DNAI7: variants seen among roughly 807,000 people sequenced by gnomAD.
DNAI7 encodes the protein cancer susceptibility 1.
DNAI7 carries 78 observed loss-of-function variants against 86.6 expected under a neutral mutation model. The observed-to-expected ratio is 0.90, with a 90% confidence interval of 0.75 to 1.09. The LOEUF (loss-of-function observed/expected upper bound fraction) is 1.09. Ranked by LOEUF, DNAI7 falls within the 50% of genes least tolerant of loss-of-function variation. The pLI is 0.00. For missense variants in DNAI7, 753 were observed against 810.2 expected (o/e 0.93, Z 0.86); for synonymous variants, 274 against 273.0 (o/e 1.00, Z -0.04).
rs1427665928 is a variant in DNAI7 at position 25,108,680 on chromosome 12, A to C, written c.2037T>G (p.His679Gln). The part of the protein sequence containing the change: ...SEALKEETEF[H>Q]STLYHMVKDF... ...CCTTCACCATGTGATATAAAGTAGA[A>C]TGAAACTCAGTTTCTTCTTTAAGTG... is the stretch of plus-strand genomic sequence containing the variant. Residue 679 changes from histidine (H) to glutamine (Q), a missense_variant, in exon 16 of 16, where the codon CAT (histidine) becomes CAG (glutamine). Physicochemically the swap from His to Gln is conservative, Grantham distance 24. Transcript: ENST00000395987. The C allele has an allele frequency of 6.2e-7, 1 of 1,613,826 alleles. No individual in the cohort carries two copies. The highest frequency in any genetic ancestry group is 8.5e-7 in the Non-Finnish European group (1 of 1,179,970).
At chr12:25,133,440 G>A (rs73067300) in intron 9 of DNAI7, among the ~76,000 whole-genome samples, 11,847 of 152,062 alleles carry the variant, frequency 0.078, 706 homozygotes, top group Non-Finnish European at 0.11. Flanking sequence ...TACGAAAGGC[G>A]GTTTACACTG....
rs1269972082 is a variant in DNAI7 at position 25,114,966 on chromosome 12, T to G, written c.1397-96A>C. 5.8e-6 allele frequency: 5 copies of G among 863,020 alleles called. No homozygotes were observed. The African/African-American group carries it at 6.9e-5, about 12-fold the overall frequency. 53.5% of individuals were successfully genotyped at this position (863,020 alleles called of 1,614,324 possible). A position where few individuals can be genotyped will look rare whatever the true frequency, so the allele number is the denominator to read the frequency against. On this transcript the variant is annotated intron_variant, in intron 12 of 15. Coordinates refer to ENST00000395987, the MANE Select transcript of DNAI7 (RefSeq NM_018272.5). ...CAAAAAAATTGCTTTGTGTATAAAT[T>G]GATCTTTCATATTTAGAATAGAAAC... is the stretch of plus-strand genomic sequence containing the variant.
intron 9 of DNAI7, among the ~76,000 whole-genome samples, chr12:25,124,755 G>C (rs766650568): frequency 6.6e-6 from 1 of 152,028 alleles, no homozygotes; most frequent in Non-Finnish European, 1.5e-5. Flanking sequence ...TTATTTTTCT[G>C]CTCCTTGCTC....
At chr12:25,124,980 C>A (rs540193960) in intron 9 of DNAI7, among the ~76,000 whole-genome samples, 1 of 152,296 alleles carries the variant, frequency 6.6e-6, no homozygotes, top group Non-Finnish European at 1.5e-5. Flanking sequence ...GCATAGTATT[C>A]CATGGTGGGT....
At chr12:25,140,841 T>C (rs1944104215) in intron 9 of DNAI7, among the ~76,000 whole-genome samples, 1 of 152,082 alleles carries the variant, frequency 6.6e-6, no homozygotes, top group African/African-American at 2.4e-5. Context: ...CAAAACAGCA[T>C]GGTACTGGTA....
intron 10 of DNAI7, among the ~76,000 whole-genome samples, chr12:25,122,660 A>G (rs181771880): frequency 6.6e-6 from 1 of 152,322 alleles, no homozygotes; most frequent in Non-Finnish European, 1.5e-5. Context: ...GACACTTCTA[A>G]ACTATATCCA....
At chr12:25,190,732 A>G (rs1950443557) in intron 1 of DNAI7, 101 bp from the exon 2 acceptor site, 1 of 538,456 alleles carries the variant, frequency 1.9e-6, no homozygotes, top group Non-Finnish European at 3.3e-6. Flanking sequence ...AAGCTTGGTA[A>G]AGGGCATAAG....
At chr12:25,148,354 A>G (rs1055544282) in intron 7 of DNAI7, among the ~76,000 whole-genome samples, 2 of 151,958 alleles carry the variant, frequency 1.3e-5, no homozygotes. Flanking sequence ...AAGACATATG[A>G]TGTTCCACTA....
intron 2 of DNAI7, among the ~76,000 whole-genome samples, chr12:25,182,523 T>C (rs7303094): frequency 0.7 from 104,329 of 150,008 alleles, 36,659 homozygotes; most frequent in African/African-American, 0.81. Context: ...GTGGGAGGAT[T>C]GCTTGAGCCT....
chr12:25,159,109 T>C (rs371948949), intron 3 of DNAI7, among the ~76,000 whole-genome samples: 13 of 152,210 alleles, frequency 8.5e-5, no homozygotes, highest in Admixed American at 6.5e-5. Flanking sequence ...GGATTATAAA[T>C]CATGCTACTA....
chr12:25,141,701 G>A lies in DNAI7; in HGVS notation c.1002+2664C>T, dbSNP rs1176143938. On this transcript the variant is annotated intron_variant, in intron 9 of 15. Transcript: ENST00000395987. The stretch of plus-strand genomic sequence containing the variant: ...AAAAATTAGCCAGGCGTGGTGGCAC[G>A]TGCCGGCAATCCCAGCTACTCAGGA... 2.4e-4 allele frequency among the ~76,000 whole-genome samples: 36 copies of A among 152,110 alleles called. 1 individual carries two copies. The highest frequency in any genetic ancestry group is 2.3e-3 in the Admixed American group (35 of 15,266).
intron 1 of DNAI7, among the ~76,000 whole-genome samples, chr12:25,191,487 G>A (rs1047151939): frequency 2.6e-5 from 4 of 152,110 alleles, no homozygotes; most frequent in Non-Finnish European, 5.9e-5. Flanking sequence ...GGTGGATCAC[G>A]GGGTCAGGAG....
chr12:25,190,553 A>G (rs1421039278), intron 2 of DNAI7, 61 bp downstream of exon 2: 3 of 670,402 alleles, frequency 4.5e-6, no homozygotes, highest in Non-Finnish European at 4.9e-6. Context: ...TTCTGTAAAT[A>G]TTCTGTTCAT....
chr12:25,115,411 C>T (rs1832106550), intron 12 of DNAI7, among the ~76,000 whole-genome samples: 1 of 152,136 alleles, frequency 6.6e-6, no homozygotes, highest in Admixed American at 6.5e-5. Context: ...CAGTTAATTC[C>T]CATTCCCACC....
intron 14 of DNAI7, among the ~76,000 whole-genome samples, chr12:25,110,473 T>C (rs1949733638): frequency 6.6e-6 from 1 of 152,156 alleles, no homozygotes; most frequent in South Asian, 2.1e-4. Context: ...CGACTCCACA[T>C]ATACCCCATT....
intron 13 of DNAI7, among the ~76,000 whole-genome samples, chr12:25,112,410 T>G (rs1258412325): frequency 4.9e-5 from 7 of 141,652 alleles, no homozygotes; most frequent in East Asian, 2.0e-4. Flanking sequence ...TTTTTTTTTT[T>G]TTTTTTTTTT....
intron 12 of DNAI7, among the ~76,000 whole-genome samples, chr12:25,117,390 C>T (rs753213055): frequency 4.3e-4 from 66 of 152,128 alleles, no homozygotes; most frequent in Non-Finnish European, 8.5e-4. Context: ...ATTCTCTGTT[C>T]CTAAATTTTC....
chr12:25,184,454 T>C (rs1949843068), intron 2 of DNAI7, among the ~76,000 whole-genome samples: 1 of 152,210 alleles, frequency 6.6e-6, no homozygotes, highest in African/African-American at 2.4e-5. Flanking sequence ...GCATCAGTAC[T>C]TCCTTCTTAT....
At chr12:25,117,934 T>TTC (rs1555154889) in intron 12 of DNAI7, among the ~76,000 whole-genome samples, 17 of 73,670 alleles carry the variant, frequency 2.3e-4, no homozygotes, top group Non-Finnish European at 5.6e-4. Flanking sequence ...GATATTTTCT[T>TTC]TTTCTTTTTT....
Sources: allele counts gnomAD v4.1 joint callset (sites outside exome capture counted in the v4.1 genomes callset), GRCh38; gene constraint gnomAD v4.1.1; transcripts MANE v1.5; gene names NCBI Gene and HGNC (gene_info 2026-07-23, HGNC 2026-07-21).